The following FBXO34 variants were observed in gnomAD, a reference collection of about 807,000 sequenced individuals.
FBXO34 encodes the protein F-box only protein 34.
In FBXO34, 12 loss-of-function variants were observed where a neutral mutation model predicts 24.5. That is an observed-to-expected ratio of 0.49 (90% CI 0.31 to 0.79). FBXO34 has a LOEUF of 0.79. FBXO34 is among the 30% of genes least tolerant of loss of function. The pLI is 0.04. For synonymous variants in FBXO34, 320 were observed against 311.9 expected, an observed-to-expected ratio of 1.03 and a Z score of -0.27; for missense variants, 823 against 857.7, an observed-to-expected ratio of 0.96 and a Z score of 0.51.
chr14:55,329,804 C>A (rs147459709), intron 1 of FBXO34, among the ~76,000 whole-genome samples: 1 of 152,044 alleles, frequency 6.6e-6, no homozygotes, highest in East Asian at 1.9e-4. Flanking sequence ...CCTTACTATT[C>A]CTCTTTTCCT....
chr14:55,402,550 T>C, the FBXO34 span, among the ~76,000 whole-genome samples: 3 of 152,046 alleles, frequency 2.0e-5, no homozygotes, highest in African/African-American at 7.2e-5. Flanking sequence ...TGATAGTATA[T>C]TGCCACAAAA....
chr14:55,298,953 A>T (rs1023730835), intron 1 of FBXO34: 50 of 1,589,872 alleles, frequency 3.1e-5, no homozygotes, highest in Middle Eastern at 1.7e-4. Context: ...AGCCAAGGCC[A>T]AGAAGGCGGC....
At chr14:55,427,913 C>A in the FBXO34 span, among the ~76,000 whole-genome samples, 2 of 140,450 alleles carry the variant, frequency 1.4e-5, no homozygotes, top group Non-Finnish European at 3.0e-5. Flanking sequence ...CGGAGTCTGG[C>A]TGTGGCCCGG....
chr14:55,412,196 T>G, the FBXO34 span, among the ~76,000 whole-genome samples: 5 of 152,196 alleles, frequency 3.3e-5, no homozygotes, highest in African/African-American at 1.2e-4. Context: ...CTTTAAAATC[T>G]GGCTAAACTA....
At chr14:55,337,371 C>T (rs1057473708) in intron 1 of FBXO34, among the ~76,000 whole-genome samples, 8 of 152,216 alleles carry the variant, frequency 5.3e-5, no homozygotes, top group Admixed American at 1.3e-4. Flanking sequence ...TATAAATTGA[C>T]ACCACAACAG....
intron 1 of FBXO34, among the ~76,000 whole-genome samples, chr14:55,318,518 AT>A (rs572405005): frequency 7.7e-5 from 9 of 116,326 alleles, no homozygotes; most frequent in Non-Finnish European, 1.1e-4. Context: ...CATGACTTGT[AT>A]TTTTTTTTTG....
rs1036943096 is a variant in FBXO34 at position 55,280,996 on chromosome 14, A to T, written c.-11+9459A>T. Among the ~76,000 whole-genome samples the T allele has an allele frequency of 1.1e-4, 16 of 152,310 alleles. No individual in the cohort carries two copies. The East Asian group carries it at 1.3e-3, about 13-fold the overall frequency. The stretch of plus-strand genomic sequence containing the variant: ...AAAAAGAAACAGGTGAAAAATATTT[A>T]AAAAATACGTTAACACAATATATCC... On this transcript the variant is annotated intron_variant, in intron 1 of 1. Transcript: ENST00000313833.
chr14:55,435,183 A>G, the FBXO34 span, among the ~76,000 whole-genome samples: 13 of 152,372 alleles, frequency 8.5e-5, no homozygotes, highest in Admixed American at 4.6e-4. Flanking sequence ...GGAAAGATAC[A>G]TAAGTGTCAG....
chr14:55,333,908 C>T (rs929796813), intron 1 of FBXO34, among the ~76,000 whole-genome samples: 1 of 151,978 alleles, frequency 6.6e-6, no homozygotes, highest in African/African-American at 2.4e-5. Flanking sequence ...AGCTGAATGC[C>T]TGCGTGTCTA....
chr14:55,333,990 T>A (rs1318102936), intron 1 of FBXO34, among the ~76,000 whole-genome samples: 1 of 152,166 alleles, frequency 6.6e-6, no homozygotes, highest in Admixed American at 6.5e-5. Flanking sequence ...TAGTATTAAG[T>A]TAAATAACTT....
rs1165041625 is a variant in FBXO34 at position 55,352,072 on chromosome 14, C to T, written c.1682C>T (p.Thr561Ile). The T allele has an allele frequency of 3.7e-6, 6 of 1,614,016 alleles. No individual in the cohort carries two copies. In the Admixed American group the frequency reaches 1.0e-4, roughly 27 times the overall value. ...KKQVSHDFLE[T>I]RFKIQQLLEP... ...CAGGTGTCGCATGACTTCCTGGAGA[C>T]CAGGTTTAAAATCCAGCAGCTTTTG... The change falls in exon 2 of 2, where the codon ACC becomes ATC. Residue 561 changes from threonine to isoleucine, a missense_variant. Transcript: ENST00000313833.
chr14:55,359,455 T>C (rs1884564611), intron 3 of FBXO34, among the ~76,000 whole-genome samples: 1 of 152,228 alleles, frequency 6.6e-6, no homozygotes, highest in Admixed American at 6.5e-5. Context: ...GTACTAAGTG[T>C]ACAATAGCAT....
chr14:55,441,145 C>A, the FBXO34 span, among the ~76,000 whole-genome samples: 1 of 152,018 alleles, frequency 6.6e-6, no homozygotes, highest in Non-Finnish European at 1.5e-5. Flanking sequence ...TGCACCCAGC[C>A]GTTTTTCTAA....
At chr14:55,301,364 G>C (rs1262483298) in intron 1 of FBXO34, among the ~76,000 whole-genome samples, 1 of 151,834 alleles carries the variant, frequency 6.6e-6, no homozygotes, top group Non-Finnish European at 1.5e-5. Flanking sequence ...CTGAGCCCAG[G>C]AGGTCAAGGC....
intron 1 of FBXO34, among the ~76,000 whole-genome samples, chr14:55,306,367 A>G (rs1882544768): frequency 6.6e-6 from 1 of 152,214 alleles, no homozygotes; most frequent in Non-Finnish European, 1.5e-5. Context: ...TTGTGAAACA[A>G]GTGGTTTTCT....
At chr14:55,286,459 G>A (rs1213125518) in intron 1 of FBXO34, among the ~76,000 whole-genome samples, 3 of 152,090 alleles carry the variant, frequency 2.0e-5, no homozygotes, top group Non-Finnish European at 2.9e-5. Flanking sequence ...CATTGTATTT[G>A]TTTTTAAACT....
At chr14:55,364,262 T>G (rs932361798), downstream of FBXO34, among the ~76,000 whole-genome samples, 4 of 152,194 alleles carry the variant, frequency 2.6e-5, no homozygotes, top group African/African-American at 9.6e-5. Flanking sequence ...TTTCTCTTTT[T>G]AAAGGGCAGC....
intron 1 of FBXO34, chr14:55,299,254 G>C: frequency 1.2e-6 from 1 of 811,292 alleles, no homozygotes; most frequent in South Asian, 1.3e-5. Context: ...AGGATTTGGA[G>C]AACTGGGCTG....
At chr14:55,382,951 C>A in the FBXO34 span, among the ~76,000 whole-genome samples, 3 of 152,080 alleles carry the variant, frequency 2.0e-5, no homozygotes, top group Admixed American at 1.3e-4. Context: ...TATGAAAAAA[C>A]TTTCAAAACA....
Sources: gnomAD v4.1 joint callset for allele counts (sites outside exome capture counted in the v4.1 genomes callset) on GRCh38, gnomAD v4.1.1 for gene constraint, MANE v1.5 for transcripts, NCBI Gene and HGNC (gene_info 2026-07-23, HGNC 2026-07-21) for gene names.